Variants in LOXL2 observed in about 807,000 individuals in gnomAD.
The protein encoded by LOXL2 is lysyl oxidase homolog 2.
Under a neutral mutation model 93.0 loss-of-function variants are expected in LOXL2, and 70 were observed. That is an observed-to-expected ratio of 0.75 (90% CI 0.62 to 0.92). LOXL2 has a LOEUF of 0.92. Among genes scored for constraint, LOXL2 ranks in the 40% least tolerant of loss-of-function variants. The probability of loss-of-function intolerance (pLI) is 0.00; values close to 1 mark genes in which losing one functional copy is unlikely to be tolerated. For synonymous variants in LOXL2, 438 were observed against 413.2 expected (o/e 1.06, Z -0.73); for missense variants, 973 against 1,054.9 (o/e 0.92, Z 1.08).
chr8:23,392,470 C>T (rs560285328), intron 1 of LOXL2, among the ~76,000 whole-genome samples: 1 of 152,304 alleles, frequency 6.6e-6, no homozygotes, highest in Non-Finnish European at 1.5e-5. Flanking sequence ...CTGAGGGAGA[C>T]AGACCTTGTC....
chr8:23,365,293 T>C (rs1298616001), intron 2 of LOXL2: 1 of 152,298 alleles, frequency 6.6e-6, no homozygotes. Flanking sequence ...CTGTGCTCAC[T>C]ATACCCAGAA....
intron 1 of LOXL2, among the ~76,000 whole-genome samples, chr8:23,385,413 AT>A (rs201661064): frequency 0.06 from 8,133 of 136,232 alleles, 718 homozygotes; most frequent in African/African-American, 0.2. Flanking sequence ...CACCCAGCTA[AT>A]TTTTTTTTTT....
chr8:23,298,240 C>CA (rs1218842552), intron 13 of LOXL2, 118 bp from the exon 14 acceptor site: 5 of 701,440 alleles, frequency 7.1e-6, no homozygotes, highest in Admixed American at 4.5e-5. Flanking sequence ...GTGCCCTCCT[C>CA]AAAAGGACAG....
At chr8:23,387,713 G>T (rs576151471) in intron 1 of LOXL2, among the ~76,000 whole-genome samples, 2 of 152,268 alleles carry the variant, frequency 1.3e-5, no homozygotes, top group South Asian at 4.1e-4. Context: ...ACTTTGGGAG[G>T]CTGAGGCAGG....
intron 4 of LOXL2, among the ~76,000 whole-genome samples, chr8:23,339,057 C>A (rs1466714528): frequency 2.0e-5 from 3 of 152,212 alleles, no homozygotes; most frequent in African/African-American, 7.2e-5. Flanking sequence ...CCTAGGAGTC[C>A]TAGCCCTTTG....
intron 3 of LOXL2, among the ~76,000 whole-genome samples, chr8:23,350,835 T>C (rs1804080330): frequency 6.6e-6 from 1 of 152,160 alleles, no homozygotes; most frequent in South Asian, 2.1e-4. Flanking sequence ...AGGCAGCCAC[T>C]TGGGTAGGTA....
rs1489121608 is a variant in LOXL2 at position 23,301,882 on chromosome 8, AC to A, written c.2133+144del. 5.1e-5 allele frequency: 49 copies of A among 956,472 alleles called. No individual in the cohort carries two copies. In the African/African-American group the frequency reaches 7.8e-4, roughly 15 times the overall value. The allele number at this position is 956,472 out of a possible 1,614,324, so 59.2% of individuals were successfully genotyped here. A position where few individuals can be genotyped will look rare whatever the true frequency, so the allele number is the denominator to read the frequency against. ...CTGATATCTTTGGGTTAACTGATGG[AC>A]CGTGATGGCCTCTGGGGGTAGCACC... On this transcript the variant is annotated intron_variant, in intron 12 of 13. Coordinates refer to ENST00000389131, the MANE Select transcript of LOXL2 (RefSeq NM_002318.3).
At chr8:23,343,828 C>T (rs1028986590) in intron 3 of LOXL2, among the ~76,000 whole-genome samples, 2 of 152,168 alleles carry the variant, frequency 1.3e-5, no homozygotes, top group African/African-American at 4.8e-5. Context: ...AAGAAAGGGC[C>T]TGAGGTCTAA....
chr8:23,378,931 C>T lies in LOXL2; in HGVS notation c.-83-10497G>A, dbSNP rs192661408. On this transcript the variant is annotated intron_variant, in intron 1 of 13. Coordinates refer to ENST00000389131, the MANE Select transcript of LOXL2 (RefSeq NM_002318.3). ...TTGATCGTCTGAAGCCTTCTTCTCT[C>T]AACTTGTCAGTCATTCTCTGTCCAG... is the stretch of plus-strand genomic sequence containing the variant. Among the ~76,000 whole-genome samples the T allele has an allele frequency of 2.8e-3, 433 of 152,330 alleles. 3 individuals are homozygous for T. The highest frequency in any genetic ancestry group is 6.8e-3 in the Middle Eastern group (2 of 294).
At chr8:23,343,497 C>T (rs950009517) in intron 3 of LOXL2, among the ~76,000 whole-genome samples, 1 of 152,208 alleles carries the variant, frequency 6.6e-6, no homozygotes, top group Non-Finnish European at 1.5e-5. Flanking sequence ...AACCCAGCAC[C>T]CCGACTGCCC....
chr8:23,374,944 G>C (rs1464225074), intron 1 of LOXL2, among the ~76,000 whole-genome samples: 1 of 152,152 alleles, frequency 6.6e-6, no homozygotes. Flanking sequence ...AAGCTCTTTA[G>C]TTTAATTAGA....
chr8:23,366,678 A>T (rs142198108), intron 2 of LOXL2, among the ~76,000 whole-genome samples: 1 of 152,104 alleles, frequency 6.6e-6, no homozygotes, highest in African/African-American at 2.4e-5. Context: ...CCAGGACAGG[A>T]GTATAGGCAG....
chr8:23,315,945 CCT>C (rs1292875512), intron 9 of LOXL2, among the ~76,000 whole-genome samples: 2 of 152,144 alleles, frequency 1.3e-5, no homozygotes, highest in Non-Finnish European at 2.9e-5. Context: ...AGTGGCTGTT[CCT>C]CTTTGCTGGG....
chr8:23,355,783 T>G lies in LOXL2; in HGVS notation c.531+4307A>C, dbSNP rs940746045. On this transcript the variant is annotated intron_variant, in intron 3 of 13. Coordinates refer to ENST00000389131, the MANE Select transcript of LOXL2 (RefSeq NM_002318.3). The stretch of plus-strand genomic sequence containing the variant: ...TGCCACCATGCCACGTTAATTTTTT[T>G]AATTTGGTAGAGACACGGTCTTGCC... Among the ~76,000 whole-genome samples, 4 of 151,854 alleles carry G rather than the reference T, an allele frequency of 2.6e-5. No individual in the cohort carries two copies. In the East Asian group the frequency reaches 7.8e-4, roughly 30 times the overall value.
chr8:23,311,605 T>A (rs1253485469), intron 9 of LOXL2, among the ~76,000 whole-genome samples: 1 of 152,104 alleles, frequency 6.6e-6, no homozygotes, highest in East Asian at 1.9e-4. Flanking sequence ...AGATGTGCAA[T>A]CTCAACAGCT....
rs1468436292 is a variant in LOXL2 at position 23,302,144 on chromosome 8, C to T, written c.2016G>A (p.Glu672=). Residue 672 remains glutamate (E), a synonymous_variant, in exon 12 of 14, where the codon GAG becomes GAA. Transcript: ENST00000389131. ...TGCCCTGATCGCCGAAGTTGGCACA[C>T]TCGTAATTCTTCTGGATGTCTGCGG... ...ECEGDIQKNY[E]CANFGDQGIT... 4 of 1,614,174 alleles carry T rather than the reference C, an allele frequency of 2.5e-6. No homozygotes were observed. Among genetic ancestry groups the T allele is most frequent in the Non-Finnish European group, 1.7e-6 (2 of 1,180,026 alleles).
chr8:23,321,468 T>C (rs978376700), intron 7 of LOXL2, among the ~76,000 whole-genome samples: 1 of 152,208 alleles, frequency 6.6e-6, no homozygotes, highest in African/African-American at 2.4e-5. Flanking sequence ...GAGCCCCACG[T>C]AGAGCGTCAG....
intron 3 of LOXL2, among the ~76,000 whole-genome samples, chr8:23,354,792 T>C (rs1804158825): frequency 6.6e-6 from 1 of 151,830 alleles, no homozygotes; most frequent in South Asian, 2.1e-4. Context: ...TGGCAGGATG[T>C]TGTCCAGTTC....
In LOXL2 at chr8:23,328,539, A is replaced by G. The variant is rs964244254; in HGVS notation, c.993T>C (p.Gly331=). 17 of 1,613,754 alleles carry G rather than the reference A, an allele frequency of 1.1e-5. No individual in the cohort carries two copies. The highest frequency in any genetic ancestry group is 1.4e-5 in the Non-Finnish European group (16 of 1,180,004). The part of the protein sequence containing the change: ...PEQPLVRLRG[G]AYIGEGRVEV... The stretch of plus-strand genomic sequence containing the variant: ...CCACGCGGCCCTCCCCGATGTAGGC[A>G]CCGCCTCTCAGTCGCACCAGGGGTT... The change falls in exon 6 of 14, where the codon GGT becomes GGC. Residue 331 remains glycine (G), a synonymous_variant. Coordinates refer to ENST00000389131, the MANE Select transcript of LOXL2 (RefSeq NM_002318.3).
Sources: gnomAD v4.1 joint callset for allele counts (sites outside exome capture counted in the v4.1 genomes callset) on GRCh38, gnomAD v4.1.1 for gene constraint, MANE v1.5 for transcripts, NCBI Gene and HGNC (gene_info 2026-07-23, HGNC 2026-07-21) for gene names.